The following MAP3K12 variants were observed in gnomAD, a reference collection of about 807,000 sequenced individuals.
MAP3K12 encodes the protein MAPK-upstream kinase.
MAP3K12 carries 14 observed loss-of-function variants against 87.5 expected under a neutral mutation model. That is an observed-to-expected ratio of 0.16 (90% confidence interval 0.11 to 0.25). The LOEUF (loss-of-function observed/expected upper bound fraction) is 0.25, where lower values mean the gene tolerates loss of function less well. MAP3K12 is among the 10% of genes least tolerant of loss of function. The pLI is 1.00. For synonymous variants in MAP3K12, 469 were observed against 452.5 expected, an observed-to-expected ratio of 1.04 and a Z score of -0.46; for missense variants, 802 against 1,140.4, an observed-to-expected ratio of 0.70 and a Z score of 4.27.
chr12:53,482,541 C>CTTGG (rs1365209587), intron 11 of MAP3K12, 24 bp downstream of exon 11: 1 of 1,596,194 alleles, frequency 6.3e-7, no homozygotes, highest in African/African-American at 1.3e-5. Context: ...AGGGAAAGAG[C>CTTGG]TTGGGAGCCT....
Position 53,484,276 on chromosome 12 carries a change from TC to T in MAP3K12, c.1228del (p.Glu410ArgfsTer14). ...GCACACCTGGGACTTAAAGTAAGTC[TC>T]CTGGGGTGTGGAGAGTACATCAGCT... The part of the protein sequence containing the change: ...ASADVLSTPQ[E>X]TYFKSQAEWR... On this transcript the variant is annotated frameshift_variant, in exon 7 of 14. Transcript: ENST00000547488. LOFTEE classifies it high-confidence loss of function. 6.2e-7 allele frequency: 1 copy of T among 1,614,072 alleles called. No individual in the cohort carries two copies. The highest frequency in any genetic ancestry group is 8.5e-7 in the Non-Finnish European group (1 of 1,179,920).
At chr12:53,499,004 G>GT (rs1943612157) in intron 1 of MAP3K12, among the ~76,000 whole-genome samples, 1 of 129,628 alleles carries the variant, frequency 7.7e-6, no homozygotes, top group African/African-American at 2.9e-5. Flanking sequence ...GTGTGTGTGT[G>GT]GAGATGGTGG....
rs1305366283 is a variant in MAP3K12, at chr12:53,483,903, G to A, written c.1358+8C>T. On this transcript the variant is annotated splice_region_variant and intron_variant, in intron 8 of 13. Coordinates refer to ENST00000547488, the MANE Select transcript of MAP3K12 (RefSeq NM_001193511.2). ...AGTAAAATCACCTCCCCAAGCACGG[G>A]AACTCACCTGAGCTCCTCCCTCCTC... 6.2e-7 allele frequency: 1 copy of A among 1,613,720 alleles called. No individual in the cohort carries two copies. Among genetic ancestry groups the A allele is most frequent in the Admixed American group, 1.7e-5 (1 of 60,004 alleles).
chr12:53,498,908 C>CTGTGTGTGTGTGTGTG (rs71068135), intron 1 of MAP3K12, among the ~76,000 whole-genome samples: 3 of 108,436 alleles, frequency 2.8e-5, no homozygotes, highest in African/African-American at 1.1e-4. Context: ...GTCCAGCCTG[C>CTGTGTGTGTGTGTGTG]TGTGTGTGTG....
chr12:53,488,174 C>A (rs2137204361), intron 1 of MAP3K12, among the ~76,000 whole-genome samples: 1 of 152,308 alleles, frequency 6.6e-6, no homozygotes, highest in African/African-American at 2.4e-5. Flanking sequence ...CAGAAGCAGC[C>A]AATGGGGATG....
At chr12:53,497,237 C>T (rs1340877231) in intron 1 of MAP3K12, among the ~76,000 whole-genome samples, 1 of 152,200 alleles carries the variant, frequency 6.6e-6, no homozygotes, top group African/African-American at 2.4e-5. Context: ...ACAGGAAGCT[C>T]TCTATAAGCA....
At chr12:53,485,970 G>T in intron 4 of MAP3K12, 86 bp downstream of exon 4, 3 of 1,297,548 alleles carry the variant, frequency 2.3e-6, no homozygotes, top group Non-Finnish European at 2.2e-6. Flanking sequence ...TGGACCTAGG[G>T]CATGGTTTGG....
At position 53,483,398 on chromosome 12, in the gene MAP3K12, GCTT is replaced by G. The variant is rs1565884898; in HGVS notation, c.1561_1563del (p.Lys521del). 2.5e-6 allele frequency: 4 copies of G among 1,614,162 alleles called. No individual in the cohort carries two copies. Among genetic ancestry groups the G allele is most frequent in the South Asian group, 2.2e-5 (2 of 91,088 alleles). ...TGTGGCACATTCCTCTTCTTGATAA[GCTT>G]CTCCATTGTGTTTCCATGCAGGAGG... On this transcript the variant is annotated inframe_deletion, in exon 10 of 14. Transcript: ENST00000547488.
At chr12:53,487,532 GC>G (rs1226863440) in intron 1 of MAP3K12, 104 bp from the exon 2 acceptor site, 2 of 1,164,058 alleles carry the variant, frequency 1.7e-6, no homozygotes, top group African/African-American at 1.5e-5. Context: ...GTTCACAGTA[GC>G]CCCGCTGGAG....
chr12:53,483,988 A>G lies in MAP3K12; in HGVS notation c.1281T>C (p.Phe427=). ...AGGTCCCTTCTGACTTAATCTTTTC[A>G]AAGTGCAGTTTTACTTCTTCCCGCC... is the stretch of plus-strand genomic sequence containing the variant. ...AEWREEVKLH[F]EKIKSEGTCL... is the part of the protein sequence containing the mutation. The change falls in exon 8 of 14, where the codon TTT becomes TTC. Residue 427 remains phenylalanine (F), a synonymous_variant. Coordinates refer to ENST00000547488, the MANE Select transcript of MAP3K12 (RefSeq NM_001193511.2). 1 of 1,614,086 alleles carries G rather than the reference A, an allele frequency of 6.2e-7. No individual in the cohort carries two copies. Among genetic ancestry groups the G allele is most frequent in the Non-Finnish European group, 8.5e-7 (1 of 1,180,008 alleles).
In MAP3K12 at chr12:53,486,724, G is replaced by T; in HGVS notation, c.446-102C>A. On this transcript the variant is annotated intron_variant, in intron 2 of 13. Transcript: ENST00000547488. This position sits in a 1 kb window ranked among gnomAD's most constrained non-coding sequence, Gnocchi z 4.9. The stretch of plus-strand genomic sequence containing the variant: ...GGCTGAATTGACTTAAGGAGGGTGA[G>T]GCAGAAAGCCAAAAATAGGCCAAGA... The T allele has an allele frequency of 6.9e-7, 1 of 1,454,666 alleles. No individual in the cohort carries two copies. Among genetic ancestry groups the T allele is most frequent in the South Asian group, 1.4e-5 (1 of 69,266 alleles). The allele number at this position is 1,454,666 out of a possible 1,614,324, so 90.1% of individuals were successfully genotyped here.
At chr12:53,499,997 G>C (rs767099206), upstream of MAP3K12, 1 of 152,340 alleles carries the variant, frequency 6.6e-6, no homozygotes, top group Non-Finnish European at 1.5e-5. Flanking sequence ...TCCTTCCCTT[G>C]ATTGTCACCA....
At chr12:53,497,323 TTC>T (rs771875426) in intron 1 of MAP3K12, among the ~76,000 whole-genome samples, 1 of 152,148 alleles carries the variant, frequency 6.6e-6, no homozygotes, top group Admixed American at 6.5e-5. Flanking sequence ...CTTTCCCTTG[TTC>T]TCTCTCTCAA....
At chr12:53,496,552 A>T (rs891147525) in intron 1 of MAP3K12, among the ~76,000 whole-genome samples, 1 of 152,248 alleles carries the variant, frequency 6.6e-6, no homozygotes, top group Non-Finnish European at 1.5e-5. Context: ...CAGATAGACC[A>T]GGAAGAAGTT....
Position 53,483,672 on chromosome 12 carries a change from G to A in MAP3K12, c.1410C>T (p.Asn470=). ...EHYERKLERA[N]NLYMELNALM... is the part of the protein sequence containing the mutation. ...GGGCATTAAGTTCCATATACAGGTT[G>A]TTGGCTCTCTCCAGCTTCCTTTCAT... Residue 470 remains asparagine (N), a synonymous_variant, in exon 9 of 14, where the codon AAC becomes AAT. Transcript: ENST00000547488. 1.9e-6 allele frequency: 3 copies of A among 1,614,022 alleles called. No homozygotes were observed. Among genetic ancestry groups the A allele is most frequent in the African/African-American group, 1.3e-5 (1 of 75,040 alleles).
chr12:53,501,006 G>C (rs1287407387), upstream of MAP3K12: 1 of 229,428 alleles, frequency 4.4e-6, no homozygotes, highest in African/African-American at 2.3e-5. Flanking sequence ...GCCCAAGTGA[G>C]TCCTTACCGC....
At chr12:53,500,332 G>T (rs1943656065), upstream of MAP3K12, 1 of 152,132 alleles carries the variant, frequency 6.6e-6, no homozygotes, top group Non-Finnish European at 1.5e-5. Context: ...AATCTTAGGC[G>T]GCCAAAATTC....
rs772598440 is a variant in MAP3K12 at position 53,482,305 on chromosome 12, C to A, written c.2303G>T (p.Ser768Ile). 2.5e-6 allele frequency: 4 copies of A among 1,614,006 alleles called. No individual in the cohort carries two copies. In the East Asian group the frequency reaches 6.7e-5, roughly 27 times the overall value. Residue 768 changes from serine (S) to isoleucine (I), a missense_variant, in exon 12 of 14, where the codon AGC (serine) becomes ATC (isoleucine). Ser to Ile is a moderately radical substitution (Grantham distance 142, BLOSUM62 -2). This residue lies in a region of MAP3K12 where 490 missense variants were observed against 496.6 expected (regional missense o/e 0.99). Coordinates refer to ENST00000547488, the MANE Select transcript of MAP3K12 (RefSeq NM_001193511.2). ...EVDSEVELTS[S>I]QRWPQSLNMR... ...TTGTAATGCCATCACTTACCTCTGG[C>A]TTGATGTCAGCTCTACTTCACTGTC...
chr12:53,499,147 C>T (rs185558364), intron 1 of MAP3K12, among the ~76,000 whole-genome samples: 363 of 152,032 alleles, frequency 2.4e-3, no homozygotes, highest in African/African-American at 8.5e-3. Flanking sequence ...GTCTGTCCCC[C>T]AATCATCCTC....
Sources: allele counts gnomAD v4.1 joint callset (sites outside exome capture counted in the v4.1 genomes callset), GRCh38; gene constraint gnomAD v4.1.1; regional missense constraint gnomAD v4.1.1; non-coding constraint Gnocchi (gnomAD v3.1); transcripts MANE v1.5; gene names NCBI Gene and HGNC (gene_info 2026-07-23, HGNC 2026-07-21).